Variants in CNTN4 observed in about 807,000 individuals in gnomAD.
CNTN4 encodes the protein contactin-4.
CNTN4 carries 77 observed loss-of-function variants against 122.5 expected under a neutral mutation model. The ratio of observed to expected loss-of-function variants is 0.63; its 90% CI spans 0.52 to 0.76. The LOEUF is 0.76. Ranked by LOEUF, CNTN4 falls within the 30% of genes least tolerant of loss-of-function variation. CNTN4 has a pLI of 0.00. For missense variants in CNTN4, 1,256 were observed against 1,259.1 expected, an observed-to-expected ratio of 1.00 and a Z score of 0.04; for synonymous variants, 512 against 447.0, an observed-to-expected ratio of 1.15 and a Z score of -1.83.
In CNTN4 at chr3:2,571,564, G is replaced by C. The variant is rs2079420568; in HGVS notation, c.55+6G>C. 2.5e-6 allele frequency: 4 copies of C among 1,610,144 alleles called. No individual in the cohort carries two copies. Among genetic ancestry groups the C allele is most frequent in the Non-Finnish European group, 3.4e-6 (4 of 1,176,416 alleles). ...ATTCATTTTGTGCCTTGCAGGTAGA[G>C]TGTCATTTTAAAACTTTTTGATTTA... On this transcript the variant is annotated splice_donor_region_variant and intron_variant, in intron 4 of 24. Coordinates refer to ENST00000418658, the MANE Select transcript of CNTN4 (RefSeq NM_175607.3).
At chr3:2,536,865 C>A (rs2077828343) in intron 3 of CNTN4, among the ~76,000 whole-genome samples, 2 of 152,120 alleles carry the variant, frequency 1.3e-5, no homozygotes, top group Admixed American at 1.3e-4. Context: ...AGCCCAGGTT[C>A]TAGAATACCA....
chr3:2,448,045 C>T (rs1354235), intron 3 of CNTN4, among the ~76,000 whole-genome samples: 93,101 of 152,008 alleles, frequency 0.61, 28,752 homozygotes, highest in East Asian at 0.78. Context: ...CAGTAATTAA[C>T]TGAGAGAAAA....
chr3:2,372,768 A>AGGCCAGGT (rs113174597), intron 3 of CNTN4, among the ~76,000 whole-genome samples: 4,959 of 152,188 alleles, frequency 0.033, 249 homozygotes, highest in African/African-American at 0.11. Flanking sequence ...TGTTTGACTT[A>AGGCCAGGT]GGCCAGGTGT....
intron 3 of CNTN4, among the ~76,000 whole-genome samples, chr3:2,360,409 A>G (rs529808067): frequency 1.3e-5 from 2 of 152,308 alleles, no homozygotes; most frequent in African/African-American, 2.4e-5. Context: ...TGAACTGGAA[A>G]TACTGAAAAA....
chr3:2,553,284 A>G (rs1403150314), intron 3 of CNTN4, among the ~76,000 whole-genome samples: 1 of 152,164 alleles, frequency 6.6e-6, no homozygotes, highest in African/African-American at 2.4e-5. Flanking sequence ...GTATGTTCCA[A>G]CTAGCACTCA....
rs552281352 is a variant in CNTN4 at position 2,632,520 on chromosome 3, A to G, written c.55+60962A>G. Among the ~76,000 whole-genome samples the G allele has an allele frequency of 9.8e-5, 15 of 152,298 alleles. No individual in the cohort carries two copies. The East Asian group carries it at 2.7e-3, about 27-fold the overall frequency. On this transcript the variant is annotated intron_variant, in intron 4 of 24. Coordinates refer to ENST00000418658, the MANE Select transcript of CNTN4 (RefSeq NM_175607.3). ...GCATGAAGAGATCAAGACTTACTCA[A>G]AGAGTTGCACATTTATGTCTCTCTT...
At chr3:2,874,698 T>C (rs555240667) in intron 8 of CNTN4, among the ~76,000 whole-genome samples, 1 of 152,220 alleles carries the variant, frequency 6.6e-6, no homozygotes, top group South Asian at 2.1e-4. Flanking sequence ...ACAGGGAAAT[T>C]AGGTGTAGAA....
chr3:3,052,711 C>A (rs1701383587), intron 23 of CNTN4, among the ~76,000 whole-genome samples: 1 of 152,180 alleles, frequency 6.6e-6, no homozygotes, highest in Non-Finnish European at 1.5e-5. Context: ...AACTCAGAAC[C>A]CATGGGGGGC....
chr3:2,398,218 G>C (rs2046710614), intron 3 of CNTN4, among the ~76,000 whole-genome samples: 1 of 151,944 alleles, frequency 6.6e-6, no homozygotes, highest in African/African-American at 2.4e-5. Context: ...TAAAGAATAG[G>C]ATTTATATCC....
chr3:2,574,991 C>G (rs776842787), intron 4 of CNTN4, among the ~76,000 whole-genome samples: 4 of 152,044 alleles, frequency 2.6e-5, no homozygotes, highest in Non-Finnish European at 5.9e-5. Context: ...TAGTCCACCA[C>G]TTTGTGACAC....
chr3:2,587,082 T>G (rs922752810), intron 4 of CNTN4, among the ~76,000 whole-genome samples: 4 of 152,224 alleles, frequency 2.6e-5, no homozygotes, highest in African/African-American at 4.8e-5. Flanking sequence ...TTTGATTATG[T>G]TTGTTTAAAA....
intron 2 of CNTN4, among the ~76,000 whole-genome samples, chr3:2,209,247 G>A (rs11129031): frequency 0.11 from 16,562 of 152,156 alleles, 1,004 homozygotes; most frequent in East Asian, 0.23. Context: ...AGAGAGAGAA[G>A]GTGAGGATAG....
intron 2 of CNTN4, among the ~76,000 whole-genome samples, chr3:2,199,335 G>A (rs933261946): frequency 1.3e-5 from 2 of 151,900 alleles, no homozygotes; most frequent in African/African-American, 2.4e-5. Flanking sequence ...AAGTGTGTGT[G>A]TGTCTCTGTG....
Position 2,228,649 on chromosome 3 carries a change from A to G in CNTN4, c.-144-110529A>G, listed in dbSNP as rs1001028646. Among the ~76,000 whole-genome samples, 7 of 152,306 alleles carry G rather than the reference A, an allele frequency of 4.6e-5. No individual in the cohort carries two copies. In the East Asian group the frequency reaches 1.3e-3, roughly 29 times the overall value. On this transcript the variant is annotated intron_variant, in intron 2 of 24. Transcript: ENST00000418658. ...ATATTATTATCTTCATTTATAGATC[A>G]GAAGACTGAGGGTCTAATGATTAAC...
chr3:2,706,118 A>T (rs903322059), intron 4 of CNTN4, among the ~76,000 whole-genome samples: 4 of 150,696 alleles, frequency 2.7e-5, no homozygotes, highest in African/African-American at 4.9e-5. Context: ...TTAGACATCT[A>T]TTAATCTAGC....
rs374331636 is a variant in CNTN4, at chr3:3,040,162, G to T, written c.2289G>T (p.Arg763Ser). ...ASADASRYVF[R>S]NESVHPFSPF... ...CTGATGCCTCTAGATACGTGTTCAG[G>T]AATGAGAGCGTGCACCCCTTCTCTC... is the stretch of plus-strand genomic sequence containing the variant. Residue 763 changes from arginine to serine, a missense_variant, in exon 20 of 25, where the codon AGG (arginine) becomes AGT (serine). Arg to Ser is a moderately radical substitution (Grantham distance 110). Transcript: ENST00000418658. 6 of 1,614,044 alleles carry T rather than the reference G, an allele frequency of 3.7e-6. No homozygotes were observed. The highest frequency in any genetic ancestry group is 1.3e-5 in the African/African-American group (1 of 74,942).
intron 6 of CNTN4, among the ~76,000 whole-genome samples, chr3:2,811,020 A>AC (rs1338953275): frequency 6.6e-6 from 1 of 150,904 alleles, no homozygotes; most frequent in African/African-American, 2.5e-5. Flanking sequence ...GGCTCTGAAA[A>AC]AAAAAAGAAA....
intron 6 of CNTN4, among the ~76,000 whole-genome samples, chr3:2,803,320 T>C (rs1263348230): frequency 6.6e-6 from 1 of 152,190 alleles, no homozygotes; most frequent in Non-Finnish European, 1.5e-5. Context: ...GGAGAAAAGA[T>C]TGAAAATTGT....
At chr3:2,428,409 C>A (rs1160465348) in intron 3 of CNTN4, among the ~76,000 whole-genome samples, 1 of 152,216 alleles carries the variant, frequency 6.6e-6, no homozygotes, top group African/African-American at 2.4e-5. Flanking sequence ...CCCCAACTCT[C>A]TTCTGGCTTG....
Sources: allele counts gnomAD v4.1 joint callset (sites outside exome capture counted in the v4.1 genomes callset), GRCh38; gene constraint gnomAD v4.1.1; transcripts MANE v1.5; gene names NCBI Gene and HGNC (gene_info 2026-07-23, HGNC 2026-07-21).